FNBP1L: variants seen among roughly 807,000 people sequenced by gnomAD.
FNBP1L encodes the protein formin-binding protein 1-like.
Under a neutral mutation model 91.2 loss-of-function variants are expected in FNBP1L, and 36 were observed. The observed-to-expected ratio is 0.39, with a 90% confidence interval of 0.30 to 0.52. The LOEUF (loss-of-function observed/expected upper bound fraction) is 0.52, where lower values mean the gene tolerates loss of function less well. Among genes scored for constraint, FNBP1L ranks in the 20% least tolerant of loss-of-function variants. The pLI is 0.66. For missense variants in FNBP1L, 571 were observed against 732.1 expected (o/e 0.78, Z 2.54); for synonymous variants, 242 against 237.0 (o/e 1.02, Z -0.19).
chr1:93,510,500 G>C (rs906054920), intron 2 of FNBP1L, among the ~76,000 whole-genome samples: 9 of 152,160 alleles, frequency 5.9e-5, no homozygotes, highest in Non-Finnish European at 1.0e-4. Context: ...AAACCACAAA[G>C]ATGGGGAAAA....
At chr1:93,473,702 G>A (rs1357583663) in intron 1 of FNBP1L, among the ~76,000 whole-genome samples, 2 of 152,116 alleles carry the variant, frequency 1.3e-5, no homozygotes, top group Non-Finnish European at 2.9e-5. Flanking sequence ...GGTCCTGGTA[G>A]GAAACAGTAC....
chr1:93,448,138 C>G lies in FNBP1L; in HGVS notation c.-144C>G, dbSNP rs1668329438. 3 of 1,055,658 alleles carry G rather than the reference C, an allele frequency of 2.8e-6. No individual in the cohort carries two copies. The highest frequency in any genetic ancestry group is 4.0e-6 in the Non-Finnish European group (3 of 741,722). The allele number at this position is 1,055,658 out of a possible 1,614,324, so 65.4% of individuals were successfully genotyped here. ...TCTCCAGTCGCGTCTTTCTCACTCA[C>G]TGGGGAGCCCGGCGGTGGCGGCACC... On this transcript the variant is annotated 5_prime_UTR_variant, in exon 1 of 17. Coordinates refer to ENST00000271234, the MANE Select transcript of FNBP1L (RefSeq NM_001164473.3).
chr1:93,516,060 C>T (rs566921804), intron 2 of FNBP1L, among the ~76,000 whole-genome samples: 14 of 152,148 alleles, frequency 9.2e-5, no homozygotes, highest in African/African-American at 2.9e-4. Flanking sequence ...ATGTAGACTC[C>T]TCCAGTCTCT....
At chr1:93,523,641 G>T in intron 4 of FNBP1L, 150 bp downstream of exon 4, 1 of 865,190 alleles carries the variant, frequency 1.2e-6, no homozygotes. Flanking sequence ...AAATACTCTT[G>T]CTAATTTATG....
chr1:93,534,808 G>A lies in FNBP1L; in HGVS notation c.890G>A (p.Gly297Glu). ...SQHIYRTISD[G>E]TISASKQESG... Reference sequence around the variant, plus strand: ...CATATATATAGAACCATTTCTGATGGGACTATCAGTGCATCCAAACAGGAG... The same window carrying A: ...CATATATATAGAACCATTTCTGATGAGACTATCAGTGCATCCAAACAGGAG... The change falls in exon 9 of 17, where the codon GGG (glycine) becomes GAG (glutamate). Residue 297 changes from glycine to glutamate, a missense_variant. Physicochemically the swap from Gly to Glu is moderately conservative, Grantham distance 98. Coordinates refer to ENST00000271234, the MANE Select transcript of FNBP1L (RefSeq NM_001164473.3). The A allele has an allele frequency of 6.4e-7, 1 of 1,574,136 alleles. No individual in the cohort carries two copies. Among genetic ancestry groups the A allele is most frequent in the Non-Finnish European group, 8.6e-7 (1 of 1,158,286 alleles).
chr1:93,519,158 A>T (rs570701986), intron 2 of FNBP1L, among the ~76,000 whole-genome samples: 1 of 152,332 alleles, frequency 6.6e-6, no homozygotes, highest in South Asian at 2.1e-4. Context: ...GGTAACCAGG[A>T]TTAATAACCA....
At chr1:93,507,056 AACACACACACACACACACACAC>A (rs369423210) in intron 2 of FNBP1L, among the ~76,000 whole-genome samples, 2 of 35,014 alleles carry the variant, frequency 5.7e-5, no homozygotes, top group Admixed American at 4.6e-4. Context: ...AAAAACATGG[AACACACACACACACACACACAC>A]ACACACACAC....
chr1:93,519,773 A>G lies in FNBP1L; in HGVS notation c.141-2309A>G, dbSNP rs141918811. On this transcript the variant is annotated intron_variant, in intron 2 of 16. Transcript: ENST00000271234. ...GAGACCAGCTTGGGCAACATAGTGA[A>G]ACCCTGTCTCTTTAAAAAGTATATG... Among the ~76,000 whole-genome samples the G allele has an allele frequency of 5.9e-5, 9 of 152,264 alleles. No homozygotes were observed. The East Asian group carries it at 1.7e-3, about 29-fold the overall frequency.
Position 93,544,150 on chromosome 1 carries a change from G to C in FNBP1L, c.1208G>C (p.Arg403Thr). 6.2e-7 allele frequency: 1 copy of C among 1,612,246 alleles called. No individual in the cohort carries two copies. Among genetic ancestry groups the C allele is most frequent in the Non-Finnish European group, 8.5e-7 (1 of 1,178,936 alleles). ...EDFSHLPPEQ[R>T]RKKLQQRIDE... is the part of the protein sequence containing the mutation. ...TTCAGTCATCTGCCACCAGAACAGA[G>C]ACGTAAAAAACTACAGCAGCGCATT... is the stretch of plus-strand genomic sequence containing the variant. The change falls in exon 12 of 17, where the codon AGA becomes ACA. Residue 403 changes from arginine to threonine, a missense_variant. Arg to Thr is a moderately conservative substitution (Grantham distance 71). Coordinates refer to ENST00000271234, the MANE Select transcript of FNBP1L (RefSeq NM_001164473.3).
At position 93,452,585 on chromosome 1, in the gene FNBP1L, A is replaced by G. The variant is rs1570754211; in HGVS notation, c.24+4280A>G. Among the ~76,000 whole-genome samples, 4 of 152,220 alleles carry G rather than the reference A, an allele frequency of 2.6e-5. No individual in the cohort carries two copies. In the South Asian group the frequency reaches 6.2e-4, roughly 24 times the overall value. On this transcript the variant is annotated intron_variant, in intron 1 of 16. Coordinates refer to ENST00000271234, the MANE Select transcript of FNBP1L (RefSeq NM_001164473.3). ...GGTCTCATAGTCTACTGGTTAGACC[A>G]TATCTGTAATATATATGTATATTTT...
At chr1:93,542,396 G>A (rs544998397) in intron 11 of FNBP1L, among the ~76,000 whole-genome samples, 1 of 146,960 alleles carries the variant, frequency 6.8e-6, no homozygotes, top group South Asian at 2.1e-4. Flanking sequence ...GATTTATTTA[G>A]GCCAGATTGG....
At chr1:93,480,256 C>T (rs982407260) in intron 1 of FNBP1L, among the ~76,000 whole-genome samples, 1 of 152,300 alleles carries the variant, frequency 6.6e-6, no homozygotes, top group South Asian at 2.1e-4. Context: ...GAGTAAACCT[C>T]TAGTGGCCAC....
intron 10 of FNBP1L, among the ~76,000 whole-genome samples, chr1:93,539,744 A>G (rs1671965460): frequency 2.0e-5 from 3 of 151,994 alleles, no homozygotes; most frequent in Non-Finnish European, 2.9e-5. Context: ...TTTCCTTACC[A>G]GGAGTTTTTT....
intron 1 of FNBP1L, among the ~76,000 whole-genome samples, chr1:93,470,872 C>CAA (rs560465033): frequency 2.5e-3 from 192 of 76,192 alleles, no homozygotes; most frequent in Admixed American, 7.4e-3. Context: ...GACTCCATCT[C>CAA]AAAAAAAAAA....
At chr1:93,546,776 T>A (rs1182745911) in intron 12 of FNBP1L, 66 bp from the exon 13 acceptor site, 1 of 1,566,112 alleles carries the variant, frequency 6.4e-7, no homozygotes, top group African/African-American at 1.4e-5. Flanking sequence ...CAGAGTCCAA[T>A]AAAACTCTTT....
At chr1:93,486,844 TAA>T (rs766090749) in intron 1 of FNBP1L, among the ~76,000 whole-genome samples, 1 of 152,182 alleles carries the variant, frequency 6.6e-6, no homozygotes, top group Non-Finnish European at 1.5e-5. Flanking sequence ...CTTCTACACT[TAA>T]GTGTTTTCTT....
rs753420482 is a variant in FNBP1L at position 93,546,869 on chromosome 1, A to G, written c.1302A>G (p.Val434=). Residue 434 remains valine, a synonymous_variant, in exon 13 of 17, where the codon GTA becomes GTG. Coordinates refer to ENST00000271234, the MANE Select transcript of FNBP1L (RefSeq NM_001164473.3). ...QKDALNKMKD[V]YEKNPQMGDP... Reference sequence around the variant, plus strand: ...ATGCACTCAACAAAATGAAAGATGTATATGAGAAGAATCCACAAATGGGGG... The same window carrying G: ...ATGCACTCAACAAAATGAAAGATGTGTATGAGAAGAATCCACAAATGGGGG... 7 of 1,612,790 alleles carry G rather than the reference A, an allele frequency of 4.3e-6. No individual in the cohort carries two copies. Among genetic ancestry groups the G allele is most frequent in the South Asian group, 3.3e-5 (3 of 90,904 alleles).
At chr1:93,457,941 G>A (rs1570759585) in intron 1 of FNBP1L, among the ~76,000 whole-genome samples, 1 of 151,650 alleles carries the variant, frequency 6.6e-6, no homozygotes, top group East Asian at 1.9e-4. Flanking sequence ...ACAGGCGCCC[G>A]CCACCACGCC....
chr1:93,547,539 C>T lies in FNBP1L; in HGVS notation c.1502+98C>T, dbSNP rs76958013. On this transcript the variant is annotated intron_variant, in intron 14 of 16. Coordinates refer to ENST00000271234, the MANE Select transcript of FNBP1L (RefSeq NM_001164473.3). The stretch of plus-strand genomic sequence containing the variant: ...ATTCGTTTTTTTCTTCCAAATTTAA[C>T]AAGTTAAGCTTTTAGTAACCTCAGT... 4.1e-3 allele frequency: 4,170 copies of T among 1,024,928 alleles called. 129 individuals are homozygous for T. In the East Asian group the frequency reaches 0.079, roughly 19 times the overall value. 63.5% of individuals were successfully genotyped at this position (1,024,928 alleles called of 1,614,324 possible). A position where few individuals can be genotyped will look rare whatever the true frequency, so the allele number is the denominator to read the frequency against.
Sources: gnomAD v4.1 joint callset for allele counts (sites outside exome capture counted in the v4.1 genomes callset) on GRCh38, gnomAD v4.1.1 for gene constraint, MANE v1.5 for transcripts, NCBI Gene and HGNC (gene_info 2026-07-23, HGNC 2026-07-21) for gene names.